The following EPHB6 variants were observed in gnomAD, a reference collection of about 807,000 sequenced individuals.
The protein encoded by EPHB6 is ephrin type-B receptor 6.
A neutral mutation model predicts 107.0 loss-of-function variants in EPHB6; 51 were observed. That is an observed-to-expected ratio of 0.48 (90% confidence interval 0.38 to 0.60). The LOEUF is 0.60. EPHB6 is among the 20% of genes least tolerant of loss of function. The pLI is 0.00. For missense variants in EPHB6, 1,141 were observed against 1,355.5 expected, an observed-to-expected ratio of 0.84 and a Z score of 2.48; for synonymous variants, 553 against 549.0, an observed-to-expected ratio of 1.01 and a Z score of -0.10.
chr7:142,856,685 A>AC, intron 1 of EPHB6, among the ~76,000 whole-genome samples: 1 of 152,086 alleles, frequency 6.6e-6, no homozygotes, highest in South Asian at 2.1e-4. Context: ...CCCGCCCCCC[A>AC]CTTGGCTCCC....
Position 142,865,639 on chromosome 7 carries a change from C to G in EPHB6, c.1105+9C>G, listed in dbSNP as rs781135217. On this transcript the variant is annotated intron_variant, in intron 8 of 19. Coordinates refer to ENST00000652003, the MANE Select transcript of EPHB6 (RefSeq NM_004445.6). ...AGAGGCCCCCTGCACTGGTGAGTTC[C>G]TCACCCAGCCCTGCAATGGGAAAGA... is the stretch of plus-strand genomic sequence containing the variant. 6.2e-7 allele frequency: 1 copy of G among 1,612,688 alleles called. No homozygotes were observed. Among genetic ancestry groups the G allele is most frequent in the Non-Finnish European group, 8.5e-7 (1 of 1,179,872 alleles).
rs1794624079 is a variant in EPHB6 at position 142,866,808 on chromosome 7, T to C, written c.1588-98T>C. 6.2e-7 allele frequency: 1 copy of C among 1,600,762 alleles called. No homozygotes were observed. The highest frequency in any genetic ancestry group is 1.3e-5 in the African/African-American group (1 of 74,490). ...AAGTGTGCAGCACTGGGCATGTGTC[T>C]GAGAGCCCTGTCAACCAGGGAGGGT... On this transcript the variant is annotated intron_variant, in intron 10 of 19. Transcript: ENST00000652003. The surrounding 1 kb of genome is among the most constrained non-coding windows in gnomAD (Gnocchi z 5.2).
chr7:142,865,642 AC>A lies in EPHB6; in HGVS notation c.1105+15del. 1 of 1,612,272 alleles carries A rather than the reference AC, an allele frequency of 6.2e-7. No homozygotes were observed. The highest frequency in any genetic ancestry group is 8.5e-7 in the Non-Finnish European group (1 of 1,179,744). ...GGCCCCCTGCACTGGTGAGTTCCTC[AC>A]CCAGCCCTGCAATGGGAAAGAGACT... is the stretch of plus-strand genomic sequence containing the variant. On this transcript the variant is annotated intron_variant, in intron 8 of 19. Coordinates refer to ENST00000652003, the MANE Select transcript of EPHB6 (RefSeq NM_004445.6).
Position 142,868,382 on chromosome 7 carries a change from G to C in EPHB6, c.2038+22G>C, listed in dbSNP as rs1165895254. On this transcript the variant is annotated intron_variant, in intron 14 of 19. Coordinates refer to ENST00000652003, the MANE Select transcript of EPHB6 (RefSeq NM_004445.6). This position sits in a 1 kb window ranked among gnomAD's most constrained non-coding sequence, Gnocchi z 4.2. ...ACAGGTACAGCAGGGCCAAAGCAGG[G>C]ATCAGAGCGACGGGGCTCCCTTGTG... 1 of 1,613,962 alleles carries C rather than the reference G, an allele frequency of 6.2e-7. No individual in the cohort carries two copies. Among genetic ancestry groups the C allele is most frequent in the Non-Finnish European group, 8.5e-7 (1 of 1,179,884 alleles).
intron 1 of EPHB6, among the ~76,000 whole-genome samples, chr7:142,858,123 C>T (rs2116376073): frequency 6.6e-6 from 1 of 152,172 alleles, no homozygotes; most frequent in East Asian, 1.9e-4. Context: ...CTTACTGTAA[C>T]AAGAAAAATA....
At position 142,866,780 on chromosome 7, in the gene EPHB6, C is replaced by G; in HGVS notation, c.1588-126C>G. On this transcript the variant is annotated intron_variant, in intron 10 of 19. Coordinates refer to ENST00000652003, the MANE Select transcript of EPHB6 (RefSeq NM_004445.6). This position sits in a 1 kb window ranked among gnomAD's most constrained non-coding sequence, Gnocchi z 5.2. The stretch of plus-strand genomic sequence containing the variant: ...GGCTGAATGGGCAAGGAGAGGTGCC[C>G]AGAAGTGTGCAGCACTGGGCATGTG... 1 of 1,582,340 alleles carries G rather than the reference C, an allele frequency of 6.3e-7. No homozygotes were observed. Among genetic ancestry groups the G allele is most frequent in the Non-Finnish European group, 8.7e-7 (1 of 1,155,240 alleles).
At chr7:142,865,867 C>G in intron 8 of EPHB6, 93 bp from the exon 9 acceptor site, 1 of 1,384,342 alleles carries the variant, frequency 7.2e-7, no homozygotes, top group Non-Finnish European at 1.0e-6. Flanking sequence ...CCTTCCCTCT[C>G]GGCCACCCAC....
At position 142,868,215 on chromosome 7, in the gene EPHB6, T is replaced by A. The variant is rs1239418644; in HGVS notation, c.1919-26T>A. ...GGCAGCCCTGCCTTTCACAACACGC[T>A]CATAACATACTCCACACCCCTCCAG... On this transcript the variant is annotated intron_variant, in intron 13 of 19. Transcript: ENST00000652003. This position sits in a 1 kb window ranked among gnomAD's most constrained non-coding sequence, Gnocchi z 4.2. The A allele has an allele frequency of 1.9e-6, 3 of 1,613,986 alleles. No homozygotes were observed. In the South Asian group the frequency reaches 3.3e-5, roughly 18 times the overall value.
chr7:142,862,964 G>A, intron 4 of EPHB6, 131 bp downstream of exon 4: 1 of 542,726 alleles, frequency 1.8e-6, no homozygotes. Context: ...ACCGGCTCAG[G>A]AGAGGCAGTA....
Position 142,869,204 on chromosome 7 carries a change from G to C in EPHB6, c.2460+57G>C. The C allele has an allele frequency of 6.3e-7, 1 of 1,590,144 alleles. No homozygotes were observed. The highest frequency in any genetic ancestry group is 8.6e-7 in the Non-Finnish European group (1 of 1,166,312). ...GGCCTTGTGGCATGCCCCAGCAGGTGCTGGGGTCGGGGGTGAGCTGGAATC... is the reference window on the plus strand; with the variant it reads ...GGCCTTGTGGCATGCCCCAGCAGGTCCTGGGGTCGGGGGTGAGCTGGAATC... On this transcript the variant is annotated intron_variant, in intron 16 of 19. Coordinates refer to ENST00000652003, the MANE Select transcript of EPHB6 (RefSeq NM_004445.6). The surrounding 1 kb of genome is among the most constrained non-coding windows in gnomAD (Gnocchi z 4.5).
chr7:142,863,214 C>A lies in EPHB6; in HGVS notation c.-14C>A. The stretch of plus-strand genomic sequence containing the variant: ...TGGTGGCTGGGGCGATGGTGGACGC[C>A]CTGAAGATGTCCCATGGCTACTGAA... On this transcript the variant is annotated 5_prime_UTR_variant, in exon 5 of 20. Transcript: ENST00000652003. The A allele has an allele frequency of 6.2e-7, 1 of 1,613,584 alleles. No homozygotes were observed. Among genetic ancestry groups the A allele is most frequent in the Non-Finnish European group, 8.5e-7 (1 of 1,179,620 alleles).
chr7:142,869,138 C>T lies in EPHB6; in HGVS notation c.2451C>T (p.His817=). The T allele has an allele frequency of 6.2e-7, 1 of 1,613,190 alleles. No homozygotes were observed. Among genetic ancestry groups the T allele is most frequent in the Non-Finnish European group, 8.5e-7 (1 of 1,179,832 alleles). ...TGTGCAAGGTGGCCCGTCTTGGCCA[C>T]AGTCCTCAGGTGAGAGCACAGCCTT... ...HLVCKVARLG[H]SPQGPSCLLR... Residue 817 remains histidine (H), a synonymous_variant, in exon 16 of 20, where the codon CAC becomes CAT. Transcript: ENST00000652003. The surrounding 1 kb of genome is among the most constrained non-coding windows in gnomAD (Gnocchi z 4.5).
intron 1 of EPHB6, among the ~76,000 whole-genome samples, chr7:142,858,510 A>T (rs1802705149): frequency 8.0e-6 from 1 of 124,984 alleles, no homozygotes; most frequent in Non-Finnish European, 1.5e-5. Context: ...ATCTCGGCTC[A>T]CTGCAAGCTC....
At chr7:142,859,386 G>A (rs1000245258) in intron 1 of EPHB6, among the ~76,000 whole-genome samples, 1 of 152,214 alleles carries the variant, frequency 6.6e-6, no homozygotes, top group Non-Finnish European at 1.5e-5. Flanking sequence ...TGGAGCAGCC[G>A]TGTTCTTGTC....
At position 142,866,766 on chromosome 7, in the gene EPHB6, C is replaced by A; in HGVS notation, c.1588-140C>A. The A allele has an allele frequency of 1.3e-6, 2 of 1,576,112 alleles. No homozygotes were observed. Among genetic ancestry groups the A allele is most frequent in the Non-Finnish European group, 1.7e-6 (2 of 1,150,570 alleles). Reference sequence around the variant, plus strand: ...CAGTAGGGGCCAGAGGCTGAATGGGCAAGGAGAGGTGCCCAGAAGTGTGCA... The same window carrying A: ...CAGTAGGGGCCAGAGGCTGAATGGGAAAGGAGAGGTGCCCAGAAGTGTGCA... On this transcript the variant is annotated intron_variant, in intron 10 of 19. Coordinates refer to ENST00000652003, the MANE Select transcript of EPHB6 (RefSeq NM_004445.6). This position sits in a 1 kb window ranked among gnomAD's most constrained non-coding sequence, Gnocchi z 5.2.
chr7:142,863,556 C>A, intron 5 of EPHB6, 75 bp from the exon 6 acceptor site: 1 of 1,542,532 alleles, frequency 6.5e-7, no homozygotes. Flanking sequence ...CTTTTGTTCG[C>A]GGTGGGAATA....
chr7:142,869,410 G>A lies in EPHB6; in HGVS notation c.2460+263G>A, dbSNP rs938244315. Among the ~76,000 whole-genome samples, 1 of 152,152 alleles carries A rather than the reference G, an allele frequency of 6.6e-6. No individual in the cohort carries two copies. The highest frequency in any genetic ancestry group is 2.4e-5 in the African/African-American group (1 of 41,442). Reference sequence around the variant, plus strand: ...AACTACCTCCTGCCCTTCCCCCATTGTGGAGATTACACAGACTCCAGAGTC... The same window carrying A: ...AACTACCTCCTGCCCTTCCCCCATTATGGAGATTACACAGACTCCAGAGTC... On this transcript the variant is annotated intron_variant, in intron 16 of 19. Transcript: ENST00000652003. The surrounding 1 kb of genome is among the most constrained non-coding windows in gnomAD (Gnocchi z 4.5).
rs372359895 is a variant in EPHB6 at position 142,867,726 on chromosome 7, A to C, written c.1865+4A>C. The C allele has an allele frequency of 3.7e-6, 6 of 1,607,788 alleles. No individual in the cohort carries two copies. The highest frequency in any genetic ancestry group is 5.1e-6 in the Non-Finnish European group (6 of 1,177,950). Reference sequence around the variant, plus strand: ...TGCTGGCGGTCGTCTTCCAGCGGTGAGTCCCCACCCCTGCCCAACTCTGCC... The same window carrying C: ...TGCTGGCGGTCGTCTTCCAGCGGTGCGTCCCCACCCCTGCCCAACTCTGCC... On this transcript the variant is annotated splice_donor_region_variant and intron_variant, in intron 12 of 19. Coordinates refer to ENST00000652003, the MANE Select transcript of EPHB6 (RefSeq NM_004445.6). This position sits in a 1 kb window ranked among gnomAD's most constrained non-coding sequence, Gnocchi z 5.3.
In EPHB6 at chr7:142,865,616, A is replaced by T. The variant is rs1285327560; in HGVS notation, c.1091A>T (p.Glu364Val). The T allele has an allele frequency of 1.9e-6, 3 of 1,613,386 alleles. No homozygotes were observed. Among genetic ancestry groups the T allele is most frequent in the African/African-American group, 1.3e-5 (1 of 74,906 alleles). ...TACCGGGCCAGTTCCGACCCACCAG[A>T]GGCCCCCTGCACTGGTGAGTTCCTC... ...GFYRASSDPP[E>V]APCTGPPSAP... The change falls in exon 8 of 20, where the codon GAG (glutamate) becomes GTG (valine). Residue 364 changes from glutamate (E) to valine (V), a missense_variant. By Grantham distance (121) the Glu-to-Val change is moderately radical. Around this residue, in one of 3 missense-constraint regions of EPHB6, gnomAD observed 304 missense variants for 295.7 expected, o/e 1.03. Transcript: ENST00000652003.
Sources: gnomAD v4.1 joint callset for allele counts (sites outside exome capture counted in the v4.1 genomes callset) on GRCh38, gnomAD v4.1.1 for gene constraint, gnomAD v4.1.1 regional missense constraint, Gnocchi (gnomAD v3.1) non-coding constraint, MANE v1.5 for transcripts, NCBI Gene and HGNC (gene_info 2026-07-23, HGNC 2026-07-21) for gene names.